The following FOXP1 variants were observed in gnomAD, a reference collection of about 807,000 sequenced individuals.
FOXP1 encodes forkhead box P1.
In FOXP1, 15 loss-of-function variants were observed where a neutral mutation model predicts 98.2. That is an observed-to-expected ratio of 0.15 (90% CI 0.10 to 0.24). The LOEUF is 0.24. Among genes scored for constraint, FOXP1 ranks in the 10% least tolerant of loss-of-function variants. The pLI is 1.00. For synonymous variants in FOXP1, 371 were observed against 314.5 expected (o/e 1.18, Z -1.90); for missense variants, 633 against 848.5 (o/e 0.75, Z 3.15).
At chr3:71,540,256 T>G (rs2044686059) in intron 2 of FOXP1, among the ~76,000 whole-genome samples, 1 of 152,036 alleles carries the variant, frequency 6.6e-6, no homozygotes, top group Non-Finnish European at 1.5e-5. Context: ...AGAATAAGAG[T>G]AAGCAGGAGA....
intron 4 of FOXP1, among the ~76,000 whole-genome samples, chr3:71,311,568 A>G (rs1279268889): frequency 1.3e-5 from 2 of 152,238 alleles, no homozygotes; most frequent in Non-Finnish European, 2.9e-5. Context: ...GTGCACACAG[A>G]GAAGTCCTTG....
intron 5 of FOXP1, chr3:71,289,963 G>C (rs2072569884): frequency 6.6e-6 from 1 of 152,110 alleles, no homozygotes; most frequent in South Asian, 2.1e-4. Context: ...CTATACCACT[G>C]CTTCCTTGGT....
intron 2 of FOXP1, among the ~76,000 whole-genome samples, chr3:71,528,546 G>A (rs995869315): frequency 3.3e-5 from 5 of 152,152 alleles, no homozygotes; most frequent in East Asian, 1.9e-4. Flanking sequence ...GACTGCTGGC[G>A]TTCCACTCCT....
intron 3 of FOXP1, among the ~76,000 whole-genome samples, chr3:71,483,590 C>T (rs937246683): frequency 2.0e-5 from 3 of 152,108 alleles, no homozygotes; most frequent in Non-Finnish European, 2.9e-5. Flanking sequence ...CTAATTTCGG[C>T]GTCTGTAAAT....
chr3:71,011,646 G>T (rs1271971136), intron 12 of FOXP1, among the ~76,000 whole-genome samples: 3 of 151,988 alleles, frequency 2.0e-5, no homozygotes, highest in Non-Finnish European at 2.9e-5. Flanking sequence ...AATTTAAGTT[G>T]GGTTTCTGTA....
chr3:71,576,404 G>A (rs2047721931), intron 2 of FOXP1, among the ~76,000 whole-genome samples: 1 of 152,154 alleles, frequency 6.6e-6, no homozygotes, highest in Non-Finnish European at 1.5e-5. Flanking sequence ...AGGCACTGCT[G>A]AGATGTTCCC....
At chr3:71,512,690 C>T (rs2042286612) in intron 2 of FOXP1, among the ~76,000 whole-genome samples, 1 of 152,198 alleles carries the variant, frequency 6.6e-6, no homozygotes, top group Non-Finnish European at 1.5e-5. Context: ...CAGCTGGTCA[C>T]TACCCAGTAG....
intron 7 of FOXP1, among the ~76,000 whole-genome samples, chr3:71,109,410 T>C (rs1348855867): frequency 1.8e-5 from 2 of 110,202 alleles, no homozygotes; most frequent in Non-Finnish European, 3.5e-5. Flanking sequence ...AGTCACAGTA[T>C]ATTTGGGGAT....
intron 12 of FOXP1, among the ~76,000 whole-genome samples, chr3:71,005,408 T>A (rs193205491): frequency 4.0e-5 from 6 of 150,962 alleles, no homozygotes; most frequent in African/African-American, 1.5e-4. Context: ...CTAACTTCAG[T>A]TGATTTTTAT....
intron 3 of FOXP1, among the ~76,000 whole-genome samples, chr3:71,395,788 C>T (rs1040464709): frequency 5.9e-5 from 9 of 152,150 alleles, no homozygotes; most frequent in Admixed American, 2.6e-4. Context: ...CACATCATAT[C>T]GGTCTCCAAT....
intron 5 of FOXP1, among the ~76,000 whole-genome samples, chr3:71,211,455 C>T (rs2064454333): frequency 6.6e-6 from 1 of 152,144 alleles, no homozygotes; most frequent in Non-Finnish European, 1.5e-5. Context: ...ATCTTCCCCC[C>T]TTGGCCTCCT....
At chr3:71,240,779 T>G (rs1208416837) in intron 5 of FOXP1, among the ~76,000 whole-genome samples, 4 of 151,204 alleles carry the variant, frequency 2.6e-5, no homozygotes, top group Non-Finnish European at 5.9e-5. Context: ...TCTCCTGACC[T>G]CATGATCTGC....
chr3:71,205,951 T>G (rs896450393), intron 5 of FOXP1, among the ~76,000 whole-genome samples: 1 of 152,232 alleles, frequency 6.6e-6, no homozygotes, highest in Non-Finnish European at 1.5e-5. Flanking sequence ...AGGAACTAAC[T>G]TGTATTTATC....
intron 7 of FOXP1, among the ~76,000 whole-genome samples, chr3:71,055,785 G>A (rs2050547825): frequency 1.3e-5 from 2 of 152,130 alleles, no homozygotes; most frequent in African/African-American, 4.8e-5. Context: ...CATACGGGGA[G>A]GTTTGATTAA....
chr3:71,541,587 G>A (rs1188019242), intron 2 of FOXP1, among the ~76,000 whole-genome samples: 1 of 152,044 alleles, frequency 6.6e-6, no homozygotes, highest in African/African-American at 2.4e-5. Flanking sequence ...TGCTACTCTA[G>A]CTGCACAACA....
chr3:70,970,972 G>T, intron 18 of FOXP1, 167 bp from the exon 19 acceptor site: 1 of 662,520 alleles, frequency 1.5e-6, no homozygotes, highest in Non-Finnish European at 2.7e-6. Flanking sequence ...TGCAGGGCGG[G>T]TGTGTGTGCA....
At chr3:71,218,394 G>C (rs1008940892) in intron 5 of FOXP1, among the ~76,000 whole-genome samples, 3 of 152,122 alleles carry the variant, frequency 2.0e-5, no homozygotes, top group African/African-American at 7.2e-5. Context: ...TCTTGAAAAA[G>C]AAAATCTCTC....
intron 7 of FOXP1, among the ~76,000 whole-genome samples, chr3:71,091,273 T>A (rs921924793): frequency 1.1e-4 from 17 of 152,208 alleles, no homozygotes; most frequent in African/African-American, 3.9e-4. Context: ...GTGGATCACC[T>A]GAGGTCAGGA....
chr3:71,567,849 G>A (rs1039090789), intron 2 of FOXP1: 3 of 151,912 alleles, frequency 2.0e-5, no homozygotes, highest in Non-Finnish European at 4.4e-5. Flanking sequence ...GCCTCTTCCA[G>A]AATGAAGCAG....
Sources: allele counts gnomAD v4.1 joint callset (sites outside exome capture counted in the v4.1 genomes callset), GRCh38; gene constraint gnomAD v4.1.1; transcripts MANE v1.5; gene names NCBI Gene and HGNC (gene_info 2026-07-23, HGNC 2026-07-21).